HIP1: variants seen among roughly 807,000 people sequenced by gnomAD.
The protein encoded by HIP1 is huntingtin-interacting protein 1.
In HIP1, 65 loss-of-function variants were observed where a neutral mutation model predicts 147.6. The ratio of observed to expected loss-of-function variants is 0.44; its 90% CI spans 0.36 to 0.54. HIP1 has a LOEUF of 0.54. Among genes scored for constraint, HIP1 ranks in the 20% least tolerant of loss-of-function variants. The probability of loss-of-function intolerance (pLI) is 0.00; values close to 1 mark genes in which losing one functional copy is unlikely to be tolerated. For synonymous variants in HIP1, 479 were observed against 504.0 expected (o/e 0.95, Z 0.67); for missense variants, 1,061 against 1,299.6 (o/e 0.82, Z 2.82).
chr7:75,617,468 CG>C (rs1220543701), intron 1 of HIP1, among the ~76,000 whole-genome samples: 1 of 152,134 alleles, frequency 6.6e-6, no homozygotes, highest in Non-Finnish European at 1.5e-5. Context: ...CCTCCTGCAG[CG>C]GCCTCCCAAA....
chr7:75,538,056 A>G lies in HIP1; in HGVS notation c.*116T>C. On this transcript the variant is annotated 3_prime_UTR_variant, in exon 31 of 31. Coordinates refer to ENST00000336926, the MANE Select transcript of HIP1 (RefSeq NM_005338.7). ...TCATGCATGTCCTCGGCACTGGGTA[A>G]TGGCAGTGGTGTGGCTGCCCCTGGG... 3 of 813,552 alleles carry G rather than the reference A, an allele frequency of 3.7e-6. No individual in the cohort carries two copies. Among genetic ancestry groups the G allele is most frequent in the Non-Finnish European group, 6.6e-6 (3 of 454,292 alleles). 50.4% of individuals were successfully genotyped at this position (813,552 alleles called of 1,614,324 possible).
chr7:75,669,433 C>T (rs62475514), intron 1 of HIP1, among the ~76,000 whole-genome samples: 19,834 of 151,538 alleles, frequency 0.13, 1,369 homozygotes, highest in East Asian at 0.19. Context: ...TGTGGTGGTG[C>T]GTGCCTATAA....
intron 1 of HIP1, among the ~76,000 whole-genome samples, chr7:75,714,788 G>A (rs1187587691): frequency 1.3e-5 from 2 of 152,130 alleles, no homozygotes; most frequent in East Asian, 1.9e-4. Flanking sequence ...AAGAGTCACT[G>A]AAACTAAGAA....
intron 1 of HIP1, among the ~76,000 whole-genome samples, chr7:75,629,606 A>C (rs76349284): frequency 0.076 from 11,428 of 150,772 alleles, 545 homozygotes; most frequent in African/African-American, 0.13. Flanking sequence ...GCAGTGCTGC[A>C]ATCTTGGCTC....
In HIP1 at chr7:75,544,709, C is replaced by A. The variant is rs1554490598; in HGVS notation, c.2752G>T (p.Val918Leu). Residue 918 changes from valine (V) to leucine (L), a missense_variant, in exon 27 of 31, where the codon GTG becomes TTG. By Grantham distance (32) the Val-to-Leu change is conservative (BLOSUM62 1). This residue lies in a region of HIP1 where 810 missense variants were observed against 946.8 expected (regional missense o/e 0.86). Coordinates refer to ENST00000336926, the MANE Select transcript of HIP1 (RefSeq NM_005338.7). The part of the protein sequence containing the change: ...HEIAASTAQL[V>L]AASKVKADKD... ...CCAGGTCCTACCTTGGATGCAGCCA[C>A]AAGCTGGGCTGTGCTAGCAGCAATT... 1.2e-6 allele frequency: 2 copies of A among 1,611,494 alleles called. No individual in the cohort carries two copies. Among genetic ancestry groups the A allele is most frequent in the Non-Finnish European group, 8.5e-7 (1 of 1,177,604 alleles).
intron 1 of HIP1, among the ~76,000 whole-genome samples, chr7:75,662,322 T>C (rs529672739): frequency 2.1e-4 from 32 of 151,586 alleles, no homozygotes; most frequent in African/African-American, 7.5e-4. Context: ...TAGCTGGGAG[T>C]ACAGACCTGC....
At position 75,544,701 on chromosome 7, in the gene HIP1, T is replaced by C. The variant is rs769960530; in HGVS notation, c.2760A>G (p.Ala920=). ...IAASTAQLVA[A]SKVKADKDSP... ...AGGTCCAGCCAGGTCCTACCTTGGA[T>C]GCAGCCACAAGCTGGGCTGTGCTAG... Residue 920 remains alanine (A), a synonymous_variant, in exon 27 of 31, where the codon GCA becomes GCG. Coordinates refer to ENST00000336926, the MANE Select transcript of HIP1 (RefSeq NM_005338.7). The C allele has an allele frequency of 6.2e-7, 1 of 1,606,694 alleles. No homozygotes were observed.
chr7:75,701,125 A>C (rs1470469395), intron 1 of HIP1, among the ~76,000 whole-genome samples: 1 of 152,156 alleles, frequency 6.6e-6, no homozygotes, highest in Non-Finnish European at 1.5e-5. Flanking sequence ...GCACAGTGGC[A>C]CATGCTACCT....
intron 22 of HIP1, among the ~76,000 whole-genome samples, chr7:75,552,382 CT>C (rs1334340181): frequency 6.6e-6 from 1 of 152,060 alleles, no homozygotes; most frequent in Non-Finnish European, 1.5e-5. Flanking sequence ...CAGGGTCTCA[CT>C]CTGTTGCCTA....
Position 75,557,776 on chromosome 7 carries a change from AAAG to A in HIP1, c.1465-9_1465-7del. The A allele has an allele frequency of 1.2e-6, 2 of 1,600,506 alleles. No homozygotes were observed. Among genetic ancestry groups the A allele is most frequent in the Non-Finnish European group, 1.7e-6 (2 of 1,167,742 alleles). On this transcript the variant is annotated splice_polypyrimidine_tract_variant and splice_region_variant and intron_variant, in intron 15 of 30. Coordinates refer to ENST00000336926, the MANE Select transcript of HIP1 (RefSeq NM_005338.7). ...TGTTTGGTCACCTCTGCATTCTGCA[AAAG>A]AAGAACAGTGTCTTGAACCAGGAGA...
chr7:75,573,937 C>G (rs201882512), intron 7 of HIP1, 36 bp from the exon 8 acceptor site: 1 of 1,590,896 alleles, frequency 6.3e-7, no homozygotes, highest in African/African-American at 1.3e-5. Flanking sequence ...GGTGGTAGAG[C>G]CAGGGGATTA....
intron 1 of HIP1, among the ~76,000 whole-genome samples, chr7:75,636,128 G>C (rs909219312): frequency 6.6e-6 from 1 of 151,568 alleles, no homozygotes; most frequent in Admixed American, 6.6e-5. Context: ...GATTGCTTGG[G>C]CCCAGGAGTT....
Position 75,536,111 on chromosome 7 carries a change from C to T in HIP1, c.*2061G>A, listed in dbSNP as rs989117416. Reference sequence around the variant, plus strand: ...ATGTTGACCCGCATCAAGAACACACCGATTGGTTTAGTTGCCACAACTGGG... The same window carrying T: ...ATGTTGACCCGCATCAAGAACACACTGATTGGTTTAGTTGCCACAACTGGG... On this transcript the variant is annotated 3_prime_UTR_variant, in exon 31 of 31. Transcript: ENST00000336926. The T allele has an allele frequency of 2.6e-5, 5 of 192,316 alleles. No individual in the cohort carries two copies. The highest frequency in any genetic ancestry group is 8.1e-5 in the East Asian group (1 of 12,302). 11.9% of individuals were successfully genotyped at this position (192,316 alleles called of 1,614,324 possible). A position where few individuals can be genotyped will look rare whatever the true frequency, so the allele number is the denominator to read the frequency against.
At chr7:75,583,121 C>T (rs1360203136) in intron 5 of HIP1, among the ~76,000 whole-genome samples, 1 of 152,156 alleles carries the variant, frequency 6.6e-6, no homozygotes, top group Non-Finnish European at 1.5e-5. Context: ...ACTACTCACG[C>T]TTCTGTCTCA....
rs1391665823 is a variant in HIP1, at chr7:75,615,090, G to A, written c.121-15843C>T. On this transcript the variant is annotated intron_variant, in intron 1 of 30. Transcript: ENST00000336926. ...GCTGGCCTGAGAAACTGATTTTACT[G>A]AATACCTACTACACGCAGGGCAAGG... 2.0e-5 allele frequency among the ~76,000 whole-genome samples: 3 copies of A among 151,936 alleles called. No individual in the cohort carries two copies. In the East Asian group the frequency reaches 5.8e-4, roughly 30 times the overall value.
chr7:75,699,944 A>G (rs1554519064), intron 1 of HIP1, among the ~76,000 whole-genome samples: 1 of 151,780 alleles, frequency 6.6e-6, no homozygotes, highest in African/African-American at 2.4e-5. Flanking sequence ...TCCACCTCCC[A>G]GGCTCAAGCG....
At chr7:75,690,781 G>A (rs1464644662) in intron 1 of HIP1, among the ~76,000 whole-genome samples, 1 of 152,000 alleles carries the variant, frequency 6.6e-6, no homozygotes, top group Non-Finnish European at 1.5e-5. Context: ...AGAATTGCTT[G>A]AACCCGGGAG....
chr7:75,732,149 C>T (rs1801856003), intron 1 of HIP1, among the ~76,000 whole-genome samples: 1 of 152,070 alleles, frequency 6.6e-6, no homozygotes, highest in African/African-American at 2.4e-5. Context: ...CGCTGTGTGA[C>T]CTTGGACAAG....
intron 1 of HIP1, among the ~76,000 whole-genome samples, chr7:75,704,025 C>G (rs1295381500): frequency 6.6e-6 from 1 of 152,096 alleles, no homozygotes; most frequent in East Asian, 1.9e-4. Context: ...AGCATGGAAG[C>G]CCTGCCCTGG....
Sources: allele counts gnomAD v4.1 joint callset (sites outside exome capture counted in the v4.1 genomes callset), GRCh38; gene constraint gnomAD v4.1.1; regional missense constraint gnomAD v4.1.1; transcripts MANE v1.5; gene names NCBI Gene and HGNC (gene_info 2026-07-23, HGNC 2026-07-21).